Variants in AKT3 observed in about 807,000 individuals in gnomAD.
AKT3 encodes the protein RAC-gamma serine/threonine-protein kinase.
AKT3 carries 15 observed loss-of-function variants against 65.3 expected under a neutral mutation model. The ratio of observed to expected loss-of-function variants is 0.23; its 90% CI spans 0.15 to 0.35. The LOEUF (loss-of-function observed/expected upper bound fraction) is 0.35, where lower values mean the gene tolerates loss of function less well. Ranked by LOEUF, AKT3 falls within the 10% of genes least tolerant of loss-of-function variation. The pLI is 1.00. For synonymous variants in AKT3, 206 were observed against 183.8 expected (o/e 1.12, Z -0.98); for missense variants, 243 against 576.5 (o/e 0.42, Z 5.92).
intron 12 of AKT3, among the ~76,000 whole-genome samples, chr1:243,517,824 T>G (rs1670462233): frequency 6.6e-6 from 1 of 152,254 alleles, no homozygotes; most frequent in Admixed American, 6.5e-5. Flanking sequence ...AGATTAAATT[T>G]ACCATCTTGC....
In AKT3 at chr1:243,703,760, CA is replaced by C. The variant is rs370671685; in HGVS notation, c.47-8045del. On this transcript the variant is annotated intron_variant, in intron 2 of 13. Coordinates refer to ENST00000673466, the MANE Select transcript of AKT3 (RefSeq NM_005465.7). ...TCAGCAACACAGCAAGACTCCATCTCAAAAAAAAAAAAAAAAAAGAAAAAGA... is the reference window on the plus strand; with the variant it reads ...TCAGCAACACAGCAAGACTCCATCTCAAAAAAAAAAAAAAAAAGAAAAAGA... 8.9e-3 allele frequency among the ~76,000 whole-genome samples: 701 copies of C among 78,368 alleles called. 7 individuals are homozygous for C. The highest frequency in any genetic ancestry group is 0.032 in the African/African-American group (586 of 18,110). The allele number at this position is 78,368 out of a possible 152,430, so 51.4% of individuals were successfully genotyped here.
rs116726425 is a variant in AKT3 at position 243,595,840 on chromosome 1, T to A, written c.696+17831A>T. Among the ~76,000 whole-genome samples, 780 of 152,256 alleles carry A rather than the reference T, an allele frequency of 5.1e-3. 9 individuals are homozygous for A. Among genetic ancestry groups the A allele is most frequent in the African/African-American group, 0.018 (738 of 41,528 alleles). On this transcript the variant is annotated intron_variant, in intron 8 of 13. Transcript: ENST00000673466. ...TGTTTTACAGTTACCTATTTTTTTT[T>A]AAATAAGTGAAAGTAATACACTTTA...
At chr1:243,498,241 T>C (rs1041878374), downstream of AKT3, among the ~76,000 whole-genome samples, 3 of 151,862 alleles carry the variant, frequency 2.0e-5, no homozygotes, top group African/African-American at 7.3e-5. Context: ...TCAGATCGTG[T>C]TGGTGGCAGT....
Position 243,777,499 on chromosome 1 carries a change from T to C in AKT3, c.46+65626A>G, listed in dbSNP as rs1257101978. Among the ~76,000 whole-genome samples, 3 of 152,150 alleles carry C rather than the reference T, an allele frequency of 2.0e-5. No homozygotes were observed. The South Asian group carries it at 6.2e-4, about 31-fold the overall frequency. ...ACAATGCAGTCAAAACAGGATACAG[T>C]TATTAATAACATTTGGAAGGAATTT... On this transcript the variant is annotated intron_variant, in intron 2 of 13. Coordinates refer to ENST00000673466, the MANE Select transcript of AKT3 (RefSeq NM_005465.7).
rs775534008 is a variant in AKT3 at position 243,843,220 on chromosome 1, T to C, written c.-50A>G. The C allele has an allele frequency of 4.4e-6, 7 of 1,604,914 alleles. No homozygotes were observed. In the East Asian group the frequency reaches 6.7e-5, roughly 15 times the overall value. ...CTTGGAGAAATGGTACTTTGTGATA[T>C]CAGCTTTAGGGTTTGGATTCTCTGC... On this transcript the variant is annotated 5_prime_UTR_variant, in exon 2 of 14. Transcript: ENST00000673466.
intron 2 of AKT3, among the ~76,000 whole-genome samples, chr1:243,744,389 G>A (rs1487787896): frequency 6.6e-6 from 1 of 152,092 alleles, no homozygotes; most frequent in Non-Finnish European, 1.5e-5. Flanking sequence ...TTACAGAGCC[G>A]TATTCTTATG....
chr1:243,744,726 G>A (rs1204688141), intron 2 of AKT3, among the ~76,000 whole-genome samples: 10 of 137,762 alleles, frequency 7.3e-5, no homozygotes, highest in South Asian at 2.3e-4. Context: ...GTGACAGAGC[G>A]AGACTCCGTC....
intron 2 of AKT3, among the ~76,000 whole-genome samples, chr1:243,813,521 A>G (rs894245876): frequency 6.6e-6 from 1 of 152,112 alleles, no homozygotes; most frequent in Non-Finnish European, 1.5e-5. Flanking sequence ...ATAATAAAAA[A>G]AAAATTAGAA....
At chr1:243,830,636 T>G (rs1694447513) in intron 2 of AKT3, among the ~76,000 whole-genome samples, 1 of 152,182 alleles carries the variant, frequency 6.6e-6, no homozygotes, top group Non-Finnish European at 1.5e-5. Context: ...CCACAATATC[T>G]AAGATAAGTG....
chr1:243,786,078 TTTC>T (rs1286837428), intron 2 of AKT3, among the ~76,000 whole-genome samples: 1 of 152,226 alleles, frequency 6.6e-6, no homozygotes, highest in Non-Finnish European at 1.5e-5. Context: ...GTTAGGATTT[TTTC>T]TTCTTCATGA....
intron 2 of AKT3, among the ~76,000 whole-genome samples, chr1:243,807,072 T>C (rs1001018863): frequency 1.3e-5 from 2 of 152,146 alleles, no homozygotes; most frequent in South Asian, 2.1e-4. Context: ...GATGGCCGAA[T>C]AGGAAAAGCT....
intron 13 of AKT3, among the ~76,000 whole-genome samples, chr1:243,492,908 G>T (rs764149617): frequency 2.0e-5 from 3 of 151,960 alleles, no homozygotes; most frequent in Non-Finnish European, 4.4e-5. Flanking sequence ...CCGGCCTCTT[G>T]GCTTGTTCTT....
intron 2 of AKT3, among the ~76,000 whole-genome samples, chr1:243,757,209 T>C (rs954899965): frequency 1.3e-5 from 2 of 152,230 alleles, no homozygotes; most frequent in Non-Finnish European, 2.9e-5. Flanking sequence ...ATATCACTAT[T>C]AATATCTTGC....
intron 2 of AKT3, among the ~76,000 whole-genome samples, chr1:243,810,202 A>C (rs1490379413): frequency 1.3e-5 from 2 of 152,214 alleles, no homozygotes; most frequent in African/African-American, 4.8e-5. Flanking sequence ...AGATAGAGAC[A>C]TAAAAAACCC....
intron 8 of AKT3, among the ~76,000 whole-genome samples, chr1:243,574,491 C>T (rs1429135816): frequency 6.6e-6 from 1 of 152,046 alleles, no homozygotes; most frequent in Non-Finnish European, 1.5e-5. Flanking sequence ...TTTTATAAAA[C>T]ACCAAGGTAA....
Position 243,774,190 on chromosome 1 carries a change from T to A in AKT3, c.46+68935A>T, listed in dbSNP as rs75758000. ...ATTCATAAATTCATTAGTAAACCAG[T>A]ATATCAATTTAAGTTTATTTTTTAC... On this transcript the variant is annotated intron_variant, in intron 2 of 13. Transcript: ENST00000673466. Among the ~76,000 whole-genome samples, 642 of 152,184 alleles carry A rather than the reference T, an allele frequency of 4.2e-3. 5 individuals are homozygous for A. Among genetic ancestry groups the A allele is most frequent in the African/African-American group, 0.015 (617 of 41,466 alleles).
At chr1:243,766,137 T>A (rs948166676) in intron 2 of AKT3, among the ~76,000 whole-genome samples, 2 of 152,184 alleles carry the variant, frequency 1.3e-5, no homozygotes, top group Non-Finnish European at 2.9e-5. Context: ...AAAAACACTA[T>A]TTTAGAAAAT....
At chr1:243,597,159 T>A (rs908073828) in intron 8 of AKT3, among the ~76,000 whole-genome samples, 2 of 152,180 alleles carry the variant, frequency 1.3e-5, no homozygotes, top group African/African-American at 4.8e-5. Flanking sequence ...TATATATGTT[T>A]GTCAGAAGTC....
chr1:243,689,292 T>C (rs1449738298), intron 3 of AKT3, among the ~76,000 whole-genome samples: 1 of 152,092 alleles, frequency 6.6e-6, no homozygotes, highest in East Asian at 1.9e-4. Flanking sequence ...ATATAGTATA[T>C]ATTTACATAG....
Sources: gnomAD v4.1 joint callset for allele counts (sites outside exome capture counted in the v4.1 genomes callset) on GRCh38, gnomAD v4.1.1 for gene constraint, MANE v1.5 for transcripts, NCBI Gene and HGNC (gene_info 2026-07-23, HGNC 2026-07-21) for gene names.